Variants in RPS6KA6 observed in about 807,000 individuals in gnomAD.
The protein encoded by RPS6KA6 is ribosomal protein S6 kinase alpha-6.
Under a neutral mutation model 65.4 loss-of-function variants are expected in RPS6KA6, and 27 were observed. The observed-to-expected ratio is 0.41, with a 90% CI of 0.30 to 0.57. RPS6KA6 has a LOEUF of 0.57. Ranked by LOEUF, RPS6KA6 falls within the 20% of genes least tolerant of loss-of-function variation. The pLI, the probability that RPS6KA6 is intolerant of heterozygous loss-of-function variation, is 0.24. For synonymous variants in RPS6KA6, 190 were observed against 184.2 expected (o/e 1.03, Z -0.26); for missense variants, 486 against 555.6 (o/e 0.87, Z 1.26).
chrX:84,096,364 T>C, intron 19 of RPS6KA6, 53 bp from the exon 20 acceptor site: 2 of 521,339 alleles, frequency 3.8e-6, no homozygotes, highest in Non-Finnish European at 6.0e-6. Flanking sequence ...ACCCAAACAA[T>C]GAAAGAGATA....
chrX:84,127,671 T>A (rs2034820951), intron 8 of RPS6KA6, among the ~76,000 whole-genome samples: 1 of 110,542 alleles, frequency 9.0e-6, no homozygotes, highest in Admixed American at 9.6e-5. Flanking sequence ...CATATGCAAA[T>A]CACTTAATAT....
At chrX:84,066,022 G>A (rs973505351) in intron 20 of RPS6KA6, among the ~76,000 whole-genome samples, 2 of 110,824 alleles carry the variant, frequency 1.8e-5, no homozygotes, top group African/African-American at 6.6e-5. Flanking sequence ...GGAGCCAGGG[G>A]ACCTCTCTCC....
At position 84,079,189 on chromosome X, in the gene RPS6KA6, G is replaced by A. The variant is rs753065419; in HGVS notation, c.1972-14078C>T. On this transcript the variant is annotated intron_variant, in intron 20 of 21. Coordinates refer to ENST00000262752, the MANE Select transcript of RPS6KA6 (RefSeq NM_014496.5). ...GCGAGCTGAAGGAGGGTGGGGCATC[G>A]CCTCACTCAGGAAGCGCAAGGGGTC... 1.2e-3 allele frequency among the ~76,000 whole-genome samples: 138 copies of A among 110,663 alleles called. 1 individual carries two copies. The highest frequency in any genetic ancestry group is 4.3e-3 in the African/African-American group (132 of 30,392).
intron 1 of RPS6KA6, among the ~76,000 whole-genome samples, chrX:84,182,150 A>G (rs2035866216): frequency 9.1e-6 from 1 of 109,644 alleles, no homozygotes; most frequent in Non-Finnish European, 1.9e-5. Context: ...ATTAAAATCT[A>G]GCAGTGAAAT....
chrX:84,181,836 G>A (rs2035857550), intron 1 of RPS6KA6, among the ~76,000 whole-genome samples: 1 of 110,708 alleles, frequency 9.0e-6, no homozygotes, highest in Admixed American at 9.7e-5. Flanking sequence ...GACCCTTACA[G>A]CCTGCTTATT....
At chrX:84,118,493 C>A (rs2034610277) in intron 9 of RPS6KA6, among the ~76,000 whole-genome samples, 1 of 111,462 alleles carries the variant, frequency 9.0e-6, no homozygotes, top group African/African-American at 3.3e-5. Context: ...CTCCACTACC[C>A]CTCCTAGTTT....
At chrX:84,176,303 T>C (rs1479958199) in intron 1 of RPS6KA6, among the ~76,000 whole-genome samples, 1 of 112,075 alleles carries the variant, frequency 8.9e-6, no homozygotes, top group Non-Finnish European at 1.9e-5. Flanking sequence ...CACATGCATT[T>C]GGGAAGTTTA....
chrX:84,072,615 T>G (rs1213444426), intron 20 of RPS6KA6, among the ~76,000 whole-genome samples: 2 of 112,075 alleles, frequency 1.8e-5, no homozygotes, highest in Admixed American at 1.9e-4. Flanking sequence ...ATACTGTTAC[T>G]ATTTGCAGAT....
At chrX:84,161,800 A>G (rs1192053403) in intron 2 of RPS6KA6, among the ~76,000 whole-genome samples, 1 of 112,221 alleles carries the variant, frequency 8.9e-6, no homozygotes, top group Non-Finnish European at 1.9e-5. Context: ...ACATCTCTGC[A>G]TAATAAAAAT....
At chrX:84,168,656 T>C (rs1047389439) in intron 1 of RPS6KA6, among the ~76,000 whole-genome samples, 4 of 112,112 alleles carry the variant, frequency 3.6e-5, no homozygotes, top group Non-Finnish European at 3.8e-5. Flanking sequence ...AAAAGGATTA[T>C]GCATAGGAAG....
At chrX:84,184,085 G>C (rs1354581001) in intron 1 of RPS6KA6, among the ~76,000 whole-genome samples, 1 of 112,166 alleles carries the variant, frequency 8.9e-6, no homozygotes, top group African/African-American at 3.2e-5. Flanking sequence ...TCATCAGCCA[G>C]ATATAATAAA....
intron 3 of RPS6KA6, among the ~76,000 whole-genome samples, chrX:84,149,796 G>A (rs2035266632): frequency 9.0e-6 from 1 of 111,442 alleles, no homozygotes; most frequent in African/African-American, 3.3e-5. Context: ...AATGGCAAAT[G>A]AGCATTGGCT....
chrX:84,144,435 A>G (rs1233641201), intron 6 of RPS6KA6, among the ~76,000 whole-genome samples: 1 of 111,329 alleles, frequency 9.0e-6, no homozygotes, highest in Non-Finnish European at 1.9e-5. Context: ...GCTCAATGTC[A>G]TTAGTCATTA....
intron 2 of RPS6KA6, among the ~76,000 whole-genome samples, chrX:84,161,749 T>C (rs969270774): frequency 8.9e-6 from 1 of 111,764 alleles, no homozygotes; most frequent in African/African-American, 3.2e-5. Context: ...ATATCCAGCA[T>C]TGTTTTTCAA....
At chrX:84,163,638 T>C (rs996763885) in intron 2 of RPS6KA6, among the ~76,000 whole-genome samples, 1 of 63,668 alleles carries the variant, frequency 1.6e-5, no homozygotes, top group African/African-American at 6.8e-5. Flanking sequence ...AGAGCGAGAC[T>C]CCGTCTCAAA....
chrX:84,089,643 G>C (rs2034002157), intron 20 of RPS6KA6, among the ~76,000 whole-genome samples: 1 of 110,594 alleles, frequency 9.0e-6, no homozygotes, highest in Non-Finnish European at 1.9e-5. Flanking sequence ...AGATCCATGG[G>C]AGAAGCACGG....
intron 2 of RPS6KA6, among the ~76,000 whole-genome samples, chrX:84,163,432 G>A (rs1331873311): frequency 9.3e-6 from 1 of 107,877 alleles, no homozygotes; most frequent in Non-Finnish European, 1.9e-5. Context: ...GAGGTCAGGA[G>A]ATCGAGACCA....
intron 8 of RPS6KA6, among the ~76,000 whole-genome samples, chrX:84,121,118 G>C (rs1203874156): frequency 8.9e-6 from 1 of 112,373 alleles, no homozygotes; most frequent in Non-Finnish European, 1.9e-5. Flanking sequence ...TGGCTTATCA[G>C]TGATTTTGTC....
At chrX:84,109,535 G>C (rs1218350560) in intron 12 of RPS6KA6, among the ~76,000 whole-genome samples, 2 of 111,005 alleles carry the variant, frequency 1.8e-5, no homozygotes, top group African/African-American at 6.6e-5. Flanking sequence ...TGAGCATTCT[G>C]TGGGCGCTCC....
Sources: gnomAD v4.1 joint callset for allele counts (sites outside exome capture counted in the v4.1 genomes callset) on GRCh38, gnomAD v4.1.1 for gene constraint, MANE v1.5 for transcripts, NCBI Gene and HGNC (gene_info 2026-07-23, HGNC 2026-07-21) for gene names.